The following CIT variants were observed in gnomAD, a reference collection of about 807,000 sequenced individuals.
The protein encoded by CIT is citron Rho-interacting kinase.
A neutral mutation model predicts 272.7 loss-of-function variants in CIT; 79 were observed. The observed-to-expected ratio is 0.29, with a 90% confidence interval of 0.24 to 0.35. The LOEUF is 0.35. Ranked by LOEUF, CIT falls within the 10% of genes least tolerant of loss-of-function variation. CIT has a pLI of 1.00. For missense variants in CIT, 1,909 were observed against 2,618.3 expected (o/e 0.73, Z 5.91); for synonymous variants, 948 against 995.6 (o/e 0.95, Z 0.90).
intron 5 of CIT, among the ~76,000 whole-genome samples, chr12:119,836,573 G>C (rs1969036131): frequency 1.3e-5 from 2 of 152,014 alleles, no homozygotes; most frequent in South Asian, 4.2e-4. Context: ...AAAGAAAAAG[G>C]AAAGAAATTC....
intron 9 of CIT, among the ~76,000 whole-genome samples, chr12:119,809,983 C>A (rs1376892552): frequency 1.3e-5 from 2 of 152,224 alleles, no homozygotes; most frequent in African/African-American, 4.8e-5. Flanking sequence ...TTCCCCCATA[C>A]CTCGCCCTAT....
At chr12:119,716,247 G>A (rs966244917) in intron 32 of CIT, among the ~76,000 whole-genome samples, 6 of 151,544 alleles carry the variant, frequency 4.0e-5, no homozygotes, top group Non-Finnish European at 5.9e-5. Flanking sequence ...GCATGGTGGC[G>A]CATGCCTATA....
intron 4 of CIT, among the ~76,000 whole-genome samples, chr12:119,855,295 C>T (rs927530746): frequency 4.0e-5 from 6 of 151,598 alleles, no homozygotes; most frequent in East Asian, 2.0e-4. Context: ...TTGTGGCAGG[C>T]GCCTGTAGTC....
At chr12:119,758,513 A>G (rs1270050093) in intron 21 of CIT, 78 bp downstream of exon 21, 2 of 898,536 alleles carry the variant, frequency 2.2e-6, no homozygotes, top group Non-Finnish European at 3.7e-6. Context: ...GCTCCATCAA[A>G]CAGAAGAAGG....
At chr12:119,785,453 C>T (rs1319640249) in intron 10 of CIT, among the ~76,000 whole-genome samples, 1 of 152,170 alleles carries the variant, frequency 6.6e-6, no homozygotes, top group Non-Finnish European at 1.5e-5. Context: ...CCAAGGAATG[C>T]AGGCAACCTC....
chr12:119,838,053 T>A (rs1969132145), intron 5 of CIT, among the ~76,000 whole-genome samples: 1 of 152,182 alleles, frequency 6.6e-6, no homozygotes, highest in Non-Finnish European at 1.5e-5. Flanking sequence ...GACGTTCCGG[T>A]ATAATGAAAA....
In CIT at chr12:119,688,033, G is replaced by A. The variant is rs187084121; in HGVS notation, c.*199C>T. Reference sequence around the variant, plus strand: ...CAGGGAGGTGCCCAGGGCAGGCACCGGGCGCTGACAGCTCCGAAGAGCCTC... The same window carrying A: ...CAGGGAGGTGCCCAGGGCAGGCACCAGGCGCTGACAGCTCCGAAGAGCCTC... On this transcript the variant is annotated 3_prime_UTR_variant, in exon 48 of 48. Coordinates refer to ENST00000392521, the MANE Select transcript of CIT (RefSeq NM_001206999.2). 1.3e-4 allele frequency: 80 copies of A among 620,734 alleles called. 1 individual carries two copies. In the East Asian group the frequency reaches 1.8e-3, roughly 14 times the overall value. 38.5% of individuals were successfully genotyped at this position (620,734 alleles called of 1,614,324 possible). A position where few individuals can be genotyped will look rare whatever the true frequency, so the allele number is the denominator to read the frequency against.
At chr12:119,771,230 A>G (rs1963106427) in intron 17 of CIT, among the ~76,000 whole-genome samples, 1 of 152,232 alleles carries the variant, frequency 6.6e-6, no homozygotes, top group African/African-American at 2.4e-5. Flanking sequence ...AATAATCATA[A>G]TATAGGTTAA....
chr12:119,748,156 C>A lies in CIT; in HGVS notation c.2904+3894G>T, dbSNP rs567646804. ...CTCCAGCCTGGGTGACAGAGTGAGA[C>A]CCTGTCTCAAAAAAAAGGAAAAAAA... On this transcript the variant is annotated intron_variant, in intron 23 of 47. Coordinates refer to ENST00000392521, the MANE Select transcript of CIT (RefSeq NM_001206999.2). Among the ~76,000 whole-genome samples the A allele has an allele frequency of 4.6e-5, 7 of 152,062 alleles. No individual in the cohort carries two copies. The East Asian group carries it at 7.7e-4, about 17-fold the overall frequency.
chr12:119,856,691 C>T (rs1472680146), intron 4 of CIT, among the ~76,000 whole-genome samples: 1 of 152,186 alleles, frequency 6.6e-6, no homozygotes, highest in African/African-American at 2.4e-5. Context: ...GTCCCTTGCT[C>T]ACCCACAACA....
At chr12:119,834,724 C>T (rs889907216) in intron 5 of CIT, among the ~76,000 whole-genome samples, 3 of 152,184 alleles carry the variant, frequency 2.0e-5, no homozygotes, top group Non-Finnish European at 4.4e-5. Flanking sequence ...GTGAAAATAT[C>T]CCCTTTGACC....
In CIT at chr12:119,712,712, A is replaced by G. The variant is rs370055620; in HGVS notation, c.4580-17T>C. On this transcript the variant is annotated splice_polypyrimidine_tract_variant and intron_variant, in intron 35 of 47. Coordinates refer to ENST00000392521, the MANE Select transcript of CIT (RefSeq NM_001206999.2). This position sits in a 1 kb window ranked among gnomAD's most constrained non-coding sequence, Gnocchi z 5.2. ...TCTGTCCAGCTTGGTGCAAAGAGGA[A>G]GGGCAGAAAGAAAAACAAAAGAACA... The G allele has an allele frequency of 6.9e-6, 11 of 1,602,232 alleles. No individual in the cohort carries two copies. Among genetic ancestry groups the G allele is most frequent in the Non-Finnish European group, 9.4e-6 (11 of 1,169,404 alleles).
intron 22 of CIT, among the ~76,000 whole-genome samples, chr12:119,752,723 T>C (rs1960423685): frequency 6.6e-6 from 1 of 152,272 alleles, no homozygotes; most frequent in African/African-American, 2.4e-5. Flanking sequence ...TCTGCTTTAA[T>C]GTCACATTAG....
At chr12:119,812,908 T>C (rs1348230227) in intron 9 of CIT, among the ~76,000 whole-genome samples, 1 of 152,170 alleles carries the variant, frequency 6.6e-6, no homozygotes, top group African/African-American at 2.4e-5. Flanking sequence ...TACTAGAAGG[T>C]AGAATTACTA....
At chr12:119,863,076 C>T (rs1950408053) in intron 3 of CIT, among the ~76,000 whole-genome samples, 1 of 149,910 alleles carries the variant, frequency 6.7e-6, no homozygotes, top group African/African-American at 2.5e-5. Context: ...GTGGTGCGCA[C>T]CTGTAGTCCC....
At chr12:119,773,895 C>T (rs757872317) in intron 16 of CIT, among the ~76,000 whole-genome samples, 7 of 152,102 alleles carry the variant, frequency 4.6e-5, no homozygotes, top group Non-Finnish European at 1.0e-4. Context: ...CATTAGAGAG[C>T]TCAAGAATAA....
chr12:119,727,022 G>A (rs577212319), intron 28 of CIT, among the ~76,000 whole-genome samples: 1 of 152,294 alleles, frequency 6.6e-6, no homozygotes, highest in South Asian at 2.1e-4. Context: ...GCCCTGTGCA[G>A]GAAGCTAATT....
intron 10 of CIT, among the ~76,000 whole-genome samples, chr12:119,789,107 T>G (rs1965073853): frequency 6.6e-6 from 1 of 152,158 alleles, no homozygotes; most frequent in African/African-American, 2.4e-5. Context: ...ACCTGATGTA[T>G]AGGCCCCATT....
intron 3 of CIT, among the ~76,000 whole-genome samples, chr12:119,864,372 G>A (rs1421340975): frequency 1.3e-5 from 2 of 152,058 alleles, no homozygotes; most frequent in Non-Finnish European, 2.9e-5. Context: ...GTCTTACTCT[G>A]TCACCCAGGC....
Sources: gnomAD v4.1 joint callset for allele counts (sites outside exome capture counted in the v4.1 genomes callset) on GRCh38, gnomAD v4.1.1 for gene constraint, Gnocchi (gnomAD v3.1) non-coding constraint, MANE v1.5 for transcripts, NCBI Gene and HGNC (gene_info 2026-07-23, HGNC 2026-07-21) for gene names.